NXN: variants seen among roughly 807,000 people sequenced by gnomAD.
NXN encodes nucleoredoxin.
NXN carries 16 observed loss-of-function variants against 48.6 expected under a neutral mutation model. The ratio of observed to expected loss-of-function variants is 0.33; its 90% CI spans 0.22 to 0.50. The LOEUF is 0.50. NXN is among the 20% of genes least tolerant of loss of function. NXN has a pLI of 0.98. For missense variants in NXN, 492 were observed against 605.5 expected (o/e 0.81, Z 1.97); for synonymous variants, 281 against 269.6 (o/e 1.04, Z -0.41).
At chr17:803,319 C>G (rs913863757) in intron 7 of NXN, among the ~76,000 whole-genome samples, 1 of 152,174 alleles carries the variant, frequency 6.6e-6, no homozygotes, top group African/African-American at 2.4e-5. Context: ...CTGCAGCCAG[C>G]GCGGAGGCAC....
At chr17:870,419 A>G (rs548917179) in intron 1 of NXN, among the ~76,000 whole-genome samples, 1 of 150,244 alleles carries the variant, frequency 6.7e-6, no homozygotes, top group Admixed American at 6.6e-5. Context: ...GGCCTAAGGG[A>G]GCATCACAGG....
At chr17:834,821 A>G (rs1005640682) in intron 1 of NXN, among the ~76,000 whole-genome samples, 1 of 151,144 alleles carries the variant, frequency 6.6e-6, no homozygotes, top group Non-Finnish European at 1.5e-5. Context: ...GTGTCTGGCT[A>G]ATTTTTGTAC....
Position 843,805 on chromosome 17 carries a change from C to T in NXN, c.361-17727G>A, listed in dbSNP as rs548650136. Among the ~76,000 whole-genome samples, 11 of 152,286 alleles carry T rather than the reference C, an allele frequency of 7.2e-5. No homozygotes were observed. The South Asian group carries it at 1.7e-3, about 23-fold the overall frequency. On this transcript the variant is annotated intron_variant, in intron 1 of 7. Transcript: ENST00000336868. ...TGAACGTTGGGACCCTGACCTGCAG[C>T]GTCTTTGGGAGATGGGCCATCACAC...
intron 1 of NXN, among the ~76,000 whole-genome samples, chr17:876,170 A>G (rs1244336823): frequency 1.3e-5 from 2 of 151,300 alleles, no homozygotes; most frequent in Non-Finnish European, 2.9e-5. Context: ...CGACACAGTA[A>G]GAATCCATCA....
chr17:897,660 G>A (rs1296279950), intron 1 of NXN, among the ~76,000 whole-genome samples: 2 of 150,628 alleles, frequency 1.3e-5, no homozygotes, highest in East Asian at 2.0e-4. Flanking sequence ...ATGAATTCTC[G>A]GTCCAGCATT....
chr17:939,211 G>A (rs11650431), intron 1 of NXN, among the ~76,000 whole-genome samples: 140,846 of 152,212 alleles, frequency 0.93, 65,905 homozygotes, highest in Non-Finnish European at 1. Flanking sequence ...TTATAACAGC[G>A]CTGGTTATTC....
chr17:805,713 C>T (rs889524016), intron 5 of NXN, among the ~76,000 whole-genome samples: 2 of 152,132 alleles, frequency 1.3e-5, no homozygotes, highest in African/African-American at 4.8e-5. Context: ...TGGCGGGCGC[C>T]TGTAGTCCCA....
At chr17:955,832 G>A (rs1341977252) in intron 1 of NXN, among the ~76,000 whole-genome samples, 2 of 151,906 alleles carry the variant, frequency 1.3e-5, no homozygotes, top group Non-Finnish European at 2.9e-5. Flanking sequence ...AACCCGGGAG[G>A]CGGAGCTTGC....
intron 1 of NXN, among the ~76,000 whole-genome samples, chr17:923,190 T>C (rs918891424): frequency 2.0e-5 from 3 of 152,054 alleles, no homozygotes; most frequent in African/African-American, 7.2e-5. Flanking sequence ...TCCCGACACT[T>C]TGGGAGGCCA....
At chr17:957,408 T>C (rs561405246) in intron 1 of NXN, among the ~76,000 whole-genome samples, 2 of 151,750 alleles carry the variant, frequency 1.3e-5, no homozygotes, top group South Asian at 2.1e-4. Context: ...CCAAAGCGGG[T>C]GGATCATGAG....
rs190862122 is a variant in NXN, at chr17:838,486, C to T, written c.361-12408G>A. 1.6e-3 allele frequency among the ~76,000 whole-genome samples: 250 copies of T among 152,256 alleles called. 1 individual carries two copies. The highest frequency in any genetic ancestry group is 5.8e-3 in the African/African-American group (241 of 41,538). ...GATGACCTAGCTGGGCTTTGCAACC[C>T]GACAGAGCTGAATCAGCTGTGACTT... On this transcript the variant is annotated intron_variant, in intron 1 of 7. Coordinates refer to ENST00000336868, the MANE Select transcript of NXN (RefSeq NM_022463.5).
At chr17:900,391 A>G (rs1245531271) in intron 1 of NXN, among the ~76,000 whole-genome samples, 1 of 149,798 alleles carries the variant, frequency 6.7e-6, no homozygotes, top group Non-Finnish European at 1.5e-5. Flanking sequence ...CCAAGGCCAC[A>G]ATGCCAGGAA....
At chr17:826,665 CCCCTCAGCCCTTCACCAGGT>C (rs1220033606) in intron 1 of NXN, among the ~76,000 whole-genome samples, 243 of 152,312 alleles carry the variant, frequency 1.6e-3, no homozygotes, top group African/African-American at 5.1e-3. Flanking sequence ...TAACATCTGC[CCCCTCAGCCCTTCACCAGGT>C]CCCTCAGCCC....
intron 6 of NXN, 72 bp from the exon 7 acceptor site, chr17:803,878 C>T (rs879517999): frequency 6.6e-5 from 106 of 1,594,490 alleles, no homozygotes; most frequent in Middle Eastern, 4.4e-4. Context: ...CGGCACCCGC[C>T]GAGGGGGCCT....
Position 846,621 on chromosome 17 carries a change from C to T in NXN, c.361-20543G>A, listed in dbSNP as rs528921553. 1.1e-4 allele frequency among the ~76,000 whole-genome samples: 17 copies of T among 152,016 alleles called. No homozygotes were observed. In the South Asian group the frequency reaches 1.5e-3, roughly 13 times the overall value. On this transcript the variant is annotated intron_variant, in intron 1 of 7. Transcript: ENST00000336868. ...GCCCCTGTACCCTTTTTTTATTGGC[C>T]GGAGTCGGGTCTTATAATATAAACT...
At chr17:856,710 G>C (rs547413087) in intron 1 of NXN, among the ~76,000 whole-genome samples, 7 of 151,934 alleles carry the variant, frequency 4.6e-5, no homozygotes, top group South Asian at 4.2e-4. Flanking sequence ...GGCTGGTCTT[G>C]AACTCCTGGC....
In NXN at chr17:958,727, A is replaced by C. The variant is rs765035343; in HGVS notation, c.360+20592T>G. On this transcript the variant is annotated intron_variant, in intron 1 of 7. Coordinates refer to ENST00000336868, the MANE Select transcript of NXN (RefSeq NM_022463.5). This position sits in a 1 kb window ranked among gnomAD's most constrained non-coding sequence, Gnocchi z 6.9. ...AAGTGAGCCCAGATTGTGCCACTGA[A>C]CTCCAGCACAGGCGACAGAGCGAGA... Among the ~76,000 whole-genome samples the C allele has an allele frequency of 2.4e-4, 36 of 151,972 alleles. No homozygotes were observed. The highest frequency in any genetic ancestry group is 4.1e-4 in the Non-Finnish European group (28 of 68,002).
chr17:807,655 G>C (rs765321087), intron 5 of NXN, among the ~76,000 whole-genome samples: 9 of 152,230 alleles, frequency 5.9e-5, no homozygotes, highest in Non-Finnish European at 1.2e-4. Context: ...GTGCCGGGAC[G>C]GGCCGTGTTG....
intron 1 of NXN, among the ~76,000 whole-genome samples, chr17:909,047 C>T (rs1597232545): frequency 1.4e-5 from 2 of 141,106 alleles, no homozygotes; most frequent in Admixed American, 7.4e-5. Flanking sequence ...CGCAGTGAGT[C>T]GAGATCACAC....
Sources: allele counts gnomAD v4.1 joint callset (sites outside exome capture counted in the v4.1 genomes callset), GRCh38; gene constraint gnomAD v4.1.1; non-coding constraint Gnocchi (gnomAD v3.1); transcripts MANE v1.5; gene names NCBI Gene and HGNC (gene_info 2026-07-23, HGNC 2026-07-21).